Variants in THRB observed in about 807,000 individuals in gnomAD.
The protein encoded by THRB is nuclear receptor subfamily 1 group A member 2.
In THRB, 12 loss-of-function variants were observed where a neutral mutation model predicts 47.8. The ratio of observed to expected loss-of-function variants is 0.25; its 90% CI spans 0.16 to 0.41. The LOEUF (loss-of-function observed/expected upper bound fraction) is 0.41, where lower values mean the gene tolerates loss of function less well. Among genes scored for constraint, THRB ranks in the 10% least tolerant of loss-of-function variants. THRB has a pLI of 1.00. For synonymous variants in THRB, 218 were observed against 212.2 expected (o/e 1.03, Z -0.24); for missense variants, 348 against 589.2 (o/e 0.59, Z 4.24).
chr3:24,214,538 G>A (rs1193900087), intron 4 of THRB, among the ~76,000 whole-genome samples: 3 of 152,288 alleles, frequency 2.0e-5, no homozygotes, highest in South Asian at 2.1e-4. Flanking sequence ...CGAAGGTGCC[G>A]GTTTCCTCAG....
intron 5 of THRB, among the ~76,000 whole-genome samples, chr3:24,155,224 G>A (rs2037634474): frequency 6.6e-6 from 1 of 152,184 alleles, no homozygotes; most frequent in Non-Finnish European, 1.5e-5. Flanking sequence ...CTGCTAGGCT[G>A]AGAGGTGGTG....
intron 3 of THRB, among the ~76,000 whole-genome samples, chr3:24,231,234 T>A (rs1221935237): frequency 1.3e-5 from 2 of 152,248 alleles, no homozygotes; most frequent in African/African-American, 4.8e-5. Context: ...TAGTTTTGTA[T>A]GCTTTTTATT....
intron 8 of THRB, among the ~76,000 whole-genome samples, chr3:24,139,128 G>T (rs1210562615): frequency 2.0e-5 from 3 of 152,178 alleles, no homozygotes; most frequent in South Asian, 4.1e-4. Context: ...CACATGAATT[G>T]TTGGTGGTGA....
At chr3:24,280,097 C>A (rs1303237848) in intron 3 of THRB, among the ~76,000 whole-genome samples, 1 of 152,114 alleles carries the variant, frequency 6.6e-6, no homozygotes, top group East Asian at 1.9e-4. Flanking sequence ...GCTATAGAAC[C>A]GGGGGAGGAG....
chr3:24,252,671 A>G (rs539362999), intron 3 of THRB, among the ~76,000 whole-genome samples: 2 of 152,054 alleles, frequency 1.3e-5, no homozygotes, highest in South Asian at 2.1e-4. Context: ...ATCAACAGGA[A>G]CTAGTTAAAT....
At chr3:24,202,282 A>C (rs1380746947) in intron 4 of THRB, among the ~76,000 whole-genome samples, 1 of 152,210 alleles carries the variant, frequency 6.6e-6, no homozygotes, top group Non-Finnish European at 1.5e-5. Context: ...AATTGAAAAC[A>C]TACGTTTTTG....
At chr3:24,142,948 G>T (rs996077852) in intron 8 of THRB, among the ~76,000 whole-genome samples, 2 of 152,182 alleles carry the variant, frequency 1.3e-5, no homozygotes, top group African/African-American at 4.8e-5. Context: ...GGTCTGGAAG[G>T]TCTTTTTTCT....
chr3:24,189,912 A>G (rs1398022993), intron 5 of THRB, 162 bp downstream of exon 5: 5 of 685,094 alleles, frequency 7.3e-6, no homozygotes, highest in Non-Finnish European at 1.2e-5. Context: ...ATTTATGTTT[A>G]AAAGAATATT....
chr3:24,149,558 T>C (rs2036600948), intron 6 of THRB, among the ~76,000 whole-genome samples: 1 of 152,236 alleles, frequency 6.6e-6, no homozygotes, highest in African/African-American at 2.4e-5. Flanking sequence ...AGAGTTGAGA[T>C]AGCTAGCTCT....
At chr3:24,319,559 T>G (rs1036765458) in intron 2 of THRB, among the ~76,000 whole-genome samples, 2 of 152,174 alleles carry the variant, frequency 1.3e-5, no homozygotes, top group African/African-American at 4.8e-5. Context: ...GTGGTAATCC[T>G]GGTATGGGGC....
chr3:24,328,629 C>T (rs1392283613), intron 2 of THRB, among the ~76,000 whole-genome samples: 1 of 152,182 alleles, frequency 6.6e-6, no homozygotes, highest in East Asian at 1.9e-4. Context: ...GTCAATTCTA[C>T]TGTAATGTTT....
intron 5 of THRB, among the ~76,000 whole-genome samples, chr3:24,166,988 C>T (rs2039723685): frequency 6.6e-6 from 1 of 151,594 alleles, no homozygotes; most frequent in African/African-American, 2.4e-5. Flanking sequence ...ACAGAGATGG[C>T]TGTTCAGAAA....
intron 1 of THRB, among the ~76,000 whole-genome samples, chr3:24,436,502 C>T (rs1207696694): frequency 6.6e-6 from 1 of 152,162 alleles, no homozygotes; most frequent in Non-Finnish European, 1.5e-5. Flanking sequence ...TGCACACACA[C>T]TTCTCTTTCT....
chr3:24,448,769 T>C (rs2125499575), intron 1 of THRB, among the ~76,000 whole-genome samples: 1 of 152,298 alleles, frequency 6.6e-6, no homozygotes, highest in African/African-American at 2.4e-5. Flanking sequence ...GTTCTGGGTA[T>C]GAAAACTAAT....
chr3:24,301,538 C>G (rs2056943553), intron 2 of THRB, among the ~76,000 whole-genome samples: 1 of 151,694 alleles, frequency 6.6e-6, no homozygotes, highest in Admixed American at 6.6e-5. Context: ...TTTGGTCATG[C>G]AATTAAAAAA....
chr3:24,165,427 C>A, intron 5 of THRB: 1 of 694,112 alleles, frequency 1.4e-6, no homozygotes, highest in South Asian at 1.6e-5. Context: ...CCCCATACAC[C>A]CTGAGAGCTG....
At chr3:24,295,362 G>T (rs945264928) in intron 3 of THRB, among the ~76,000 whole-genome samples, 1 of 152,150 alleles carries the variant, frequency 6.6e-6, no homozygotes, top group Non-Finnish European at 1.5e-5. Context: ...TACAGTATAG[G>T]ATTACTAGGG....
chr3:24,460,275 A>C (rs940996659), intron 1 of THRB, among the ~76,000 whole-genome samples: 2 of 152,196 alleles, frequency 1.3e-5, no homozygotes, highest in African/African-American at 4.8e-5. Flanking sequence ...GTTTCATACC[A>C]TACTGGGTAA....
At chr3:24,204,644 C>G (rs2045053734) in intron 4 of THRB, among the ~76,000 whole-genome samples, 1 of 152,244 alleles carries the variant, frequency 6.6e-6, no homozygotes, top group Non-Finnish European at 1.5e-5. Flanking sequence ...TGGAACAAAG[C>G]TGGTTGGAGA....
Sources: allele counts gnomAD v4.1 joint callset (sites outside exome capture counted in the v4.1 genomes callset), GRCh38; gene constraint gnomAD v4.1.1; transcripts MANE v1.5; gene names NCBI Gene and HGNC (gene_info 2026-07-23, HGNC 2026-07-21).